The following PCED1B variants were observed in gnomAD, a reference collection of about 807,000 sequenced individuals.
PCED1B encodes the protein PC-esterase domain containing 1B, also known as PC-esterase domain-containing protein 1B.
For missense variants in PCED1B, 573 were observed against 573.9 expected (o/e 1.00, Z 0.02); for synonymous variants, 251 against 246.1 (o/e 1.02, Z -0.19).
At chr12:47,188,313 T>C (rs1409227989) in intron 2 of PCED1B, among the ~76,000 whole-genome samples, 3 of 152,118 alleles carry the variant, frequency 2.0e-5, no homozygotes, top group Admixed American at 6.5e-5. Context: ...CTGGAACTCA[T>C]AGGGATCAAT....
intron 2 of PCED1B, among the ~76,000 whole-genome samples, chr12:47,154,496 T>C (rs1218082672): frequency 6.6e-6 from 1 of 152,150 alleles, no homozygotes; most frequent in East Asian, 1.9e-4. Flanking sequence ...GTTTTTGCTT[T>C]TAAAAATCTT....
rs545801414 is a variant in PCED1B, at chr12:47,233,185, G to A, written c.-57-1822G>A. Among the ~76,000 whole-genome samples the A allele has an allele frequency of 3.9e-5, 6 of 152,290 alleles. No individual in the cohort carries two copies. The South Asian group carries it at 1.2e-3, about 32-fold the overall frequency. ...GCCTTCCAAAGTGCTGGGTTTGCAG[G>A]CGTGAGCTGCCGCGCCCACCACAAT... On this transcript the variant is annotated intron_variant, in intron 3 of 3. Transcript: ENST00000546455.
intron 3 of PCED1B, among the ~76,000 whole-genome samples, chr12:47,228,097 G>T (rs975599973): frequency 1.3e-5 from 2 of 150,176 alleles, no homozygotes; most frequent in African/African-American, 4.9e-5. Flanking sequence ...TCAGTGATGC[G>T]ATCTCAGCTC....
intron 2 of PCED1B, among the ~76,000 whole-genome samples, chr12:47,164,177 C>T (rs1387031113): frequency 6.6e-6 from 1 of 152,216 alleles, no homozygotes. Context: ...GTTCTTCTCA[C>T]ATACAAAATA....
chr12:47,215,464 G>A (rs1943228001), intron 2 of PCED1B, among the ~76,000 whole-genome samples: 1 of 151,946 alleles, frequency 6.6e-6, no homozygotes, highest in Non-Finnish European at 1.5e-5. Flanking sequence ...ATGTTGGCCA[G>A]GCTGGTCTCG....
intron 3 of PCED1B, among the ~76,000 whole-genome samples, chr12:47,217,505 A>AAAG (rs1943325058): frequency 7.2e-6 from 1 of 139,134 alleles, no homozygotes; most frequent in Non-Finnish European, 1.5e-5. Context: ...AGAAAGAAAG[A>AAAG]AAGAAAGAAA....
intron 1 of PCED1B, among the ~76,000 whole-genome samples, chr12:47,089,133 G>A (rs1938127844): frequency 6.6e-6 from 1 of 151,948 alleles, no homozygotes; most frequent in African/African-American, 2.4e-5. Flanking sequence ...TTTTACACAT[G>A]GAGAGGGACT....
In PCED1B at chr12:47,079,642, GGCA is replaced by G; in HGVS notation, c.-683_-681del. ...TTGAGGAGTTTCAAGCAGCCGCGGC[GGCA>G]GCAGCAGCCCTGGACGCAGCAGCCA... On this transcript the variant is annotated 5_prime_UTR_variant, in exon 1 of 4. Coordinates refer to ENST00000546455, the MANE Select transcript of PCED1B (RefSeq NM_138371.3). 1 of 153,052 alleles carries G rather than the reference GGCA, an allele frequency of 6.5e-6. No individual in the cohort carries two copies. The highest frequency in any genetic ancestry group is 1.5e-5 in the Non-Finnish European group (1 of 68,780). The allele number at this position is 153,052 out of a possible 1,614,324, so 9.5% of individuals were successfully genotyped here.
chr12:47,085,997 C>T (rs1487888607), intron 1 of PCED1B, among the ~76,000 whole-genome samples: 1 of 152,126 alleles, frequency 6.6e-6, no homozygotes, highest in Non-Finnish European at 1.5e-5. Context: ...GTTTATTCGG[C>T]GGATATTTAC....
intron 1 of PCED1B, among the ~76,000 whole-genome samples, chr12:47,086,586 G>T (rs1435255770): frequency 6.6e-6 from 1 of 152,030 alleles, no homozygotes; most frequent in Non-Finnish European, 1.5e-5. Flanking sequence ...TCAGCTTTAG[G>T]AATAAAATAA....
chr12:47,217,473 AAAG>A (rs1491415763), intron 3 of PCED1B, among the ~76,000 whole-genome samples: 1 of 91,970 alleles, frequency 1.1e-5, no homozygotes, highest in East Asian at 2.8e-4. Flanking sequence ...AAAGAAAGAG[AAAG>A]AAAGAAAGAA....
At chr12:47,182,616 A>G (rs1942131055) in intron 2 of PCED1B, among the ~76,000 whole-genome samples, 1 of 151,954 alleles carries the variant, frequency 6.6e-6, no homozygotes, top group Non-Finnish European at 1.5e-5. Flanking sequence ...AAAAAAGAAT[A>G]CTACTATGTT....
At chr12:47,093,098 A>G (rs555965872) in intron 1 of PCED1B, among the ~76,000 whole-genome samples, 1 of 152,092 alleles carries the variant, frequency 6.6e-6, no homozygotes, top group African/African-American at 2.4e-5. Context: ...GGAAGAATTC[A>G]CTGATAAACT....
intron 1 of PCED1B, among the ~76,000 whole-genome samples, chr12:47,089,326 A>G (rs1938139719): frequency 1.3e-5 from 2 of 151,250 alleles, no homozygotes; most frequent in Non-Finnish European, 3.0e-5. Flanking sequence ...GGGCACCTGT[A>G]GTCCCAGCTA....
At chr12:47,143,098 TAAC>T (rs1025824894) in intron 2 of PCED1B, among the ~76,000 whole-genome samples, 1 of 152,092 alleles carries the variant, frequency 6.6e-6, no homozygotes, top group African/African-American at 2.4e-5. Context: ...AGCCCACAGC[TAAC>T]ATCATACCCA....
intron 2 of PCED1B, among the ~76,000 whole-genome samples, chr12:47,154,708 A>G (rs901790057): frequency 2.0e-5 from 3 of 151,712 alleles, no homozygotes; most frequent in African/African-American, 7.3e-5. Flanking sequence ...TTAGAGCTCT[A>G]GTTCTGGGGA....
At chr12:47,195,264 G>C (rs927373223) in intron 2 of PCED1B, among the ~76,000 whole-genome samples, 1 of 151,836 alleles carries the variant, frequency 6.6e-6, no homozygotes, top group African/African-American at 2.4e-5. Flanking sequence ...AAAAGGCGGA[G>C]GTTGCAGTGA....
At chr12:47,190,888 T>C (rs961234652) in intron 2 of PCED1B, among the ~76,000 whole-genome samples, 1 of 152,114 alleles carries the variant, frequency 6.6e-6, no homozygotes, top group Non-Finnish European at 1.5e-5. Context: ...GGAGGTGAGA[T>C]TCTCTGATGA....
intron 2 of PCED1B, chr12:47,135,402 TG>T: frequency 8.6e-6 from 2 of 233,062 alleles, no homozygotes. Context: ...GACTCAGCTT[TG>T]GGGGCAGGGC....
Sources: allele counts gnomAD v4.1 joint callset (sites outside exome capture counted in the v4.1 genomes callset), GRCh38; gene constraint gnomAD v4.1.1; transcripts MANE v1.5; gene names NCBI Gene and HGNC (gene_info 2026-07-23, HGNC 2026-07-21).